The following RIOK3 variants were observed in gnomAD, a reference collection of about 807,000 sequenced individuals.
RIOK3 encodes RIO kinase 3.
In RIOK3, 40 loss-of-function variants were observed where a neutral mutation model predicts 63.5. The observed-to-expected ratio is 0.63, with a 90% confidence interval of 0.49 to 0.82. RIOK3 has a LOEUF of 0.82. Among genes scored for constraint, RIOK3 ranks in the 40% least tolerant of loss-of-function variants. The pLI is 0.00. For synonymous variants in RIOK3, 193 were observed against 205.0 expected (o/e 0.94, Z 0.50); for missense variants, 557 against 637.0 (o/e 0.87, Z 1.35).
chr18:23,466,689 TAA>T (rs33997769), intron 6 of RIOK3, among the ~76,000 whole-genome samples: 16,573 of 102,708 alleles, frequency 0.16, 1,802 homozygotes, highest in East Asian at 0.35. Context: ...GACCCTGCCT[TAA>T]AAAAAAAAAA....
chr18:23,473,680 G>A, intron 8 of RIOK3, 54 bp downstream of exon 8: 1 of 1,317,070 alleles, frequency 7.6e-7, no homozygotes, highest in Non-Finnish European at 1.1e-6. Flanking sequence ...TTTTGCATTA[G>A]GATAAAAAAA....
chr18:23,473,258 C>G (rs1215641873), intron 7 of RIOK3, among the ~76,000 whole-genome samples, 171 bp from the exon 8 acceptor site: 1 of 152,036 alleles, frequency 6.6e-6, no homozygotes, highest in Non-Finnish European at 1.5e-5. Context: ...TTTAAAAAAT[C>G]AAACCAAAAC....
In RIOK3 at chr18:23,477,835, C is replaced by T. The variant is rs375081228; in HGVS notation, c.1344+567C>T. On this transcript the variant is annotated intron_variant, in intron 11 of 12. Transcript: ENST00000339486. ...CTGTAATCCCAGCACTTTGGGAGGC[C>T]AAGGTGGGTGGATCACCTGAGGTCA... Among the ~76,000 whole-genome samples, 37 of 148,536 alleles carry T rather than the reference C, an allele frequency of 2.5e-4. No homozygotes were observed. In the South Asian group the frequency reaches 5.2e-3, roughly 21 times the overall value.
rs1159735275 is a variant in RIOK3, at chr18:23,464,252, C to A, written c.372C>A (p.Asp124Glu). Residue 124 changes from aspartate (D) to glutamate (E), a missense_variant, in exon 4 of 13, where the codon GAC becomes GAA. By Grantham distance (45) the Asp-to-Glu change is conservative. Transcript: ENST00000339486. ...ATCGAAAAGTGCATCCTTATGAAGA[C>A]AGCGATAGCTCTGAAGATGAGGTTG... ...ENYRKVHPYE[D>E]SDSSEDEVDW... is the part of the protein sequence containing the mutation. 1 of 1,614,120 alleles carries A rather than the reference C, an allele frequency of 6.2e-7. No homozygotes were observed.
Position 23,481,416 on chromosome 18 carries a change from C to T in RIOK3, c.*137C>T. 5.3e-6 allele frequency: 3 copies of T among 570,210 alleles called. No individual in the cohort carries two copies. In the South Asian group the frequency reaches 7.3e-5, roughly 14 times the overall value. 35.3% of individuals were successfully genotyped at this position (570,210 alleles called of 1,614,324 possible). ...TTCTGTGCTTTTCCCCCTTGTAACC[C>T]ATGTGCCAGATGTGTGGAATTTTTA... On this transcript the variant is annotated 3_prime_UTR_variant, in exon 13 of 13. Coordinates refer to ENST00000339486, the MANE Select transcript of RIOK3 (RefSeq NM_003831.5).
intron 2 of RIOK3, 89 bp from the exon 3 acceptor site, chr18:23,463,878 C>A: frequency 3.6e-6 from 4 of 1,102,316 alleles, no homozygotes; most frequent in Non-Finnish European, 3.9e-6. Flanking sequence ...TCAATTTTAA[C>A]ATGGAAAAGG....
chr18:23,478,720 T>C (rs1268423987), intron 11 of RIOK3, among the ~76,000 whole-genome samples: 1 of 129,164 alleles, frequency 7.7e-6, no homozygotes, highest in Non-Finnish European at 1.7e-5. Flanking sequence ...GGGAAATGAA[T>C]TGTTGGCAGT....
At chr18:23,478,606 CATATATATATATATATATAT>C (rs67305895) in intron 11 of RIOK3, among the ~76,000 whole-genome samples, 1,704 of 130,884 alleles carry the variant, frequency 0.013, 31 homozygotes, top group Middle Eastern at 0.027. Flanking sequence ...AAAAACAAAA[CATATATATATATATATATAT>C]ATATATATAT....
chr18:23,479,293 G>T (rs772345231), intron 11 of RIOK3, 24 bp from the exon 12 acceptor site: 3 of 1,435,872 alleles, frequency 2.1e-6, no homozygotes, highest in South Asian at 2.3e-5. Context: ...ACTTCTTACT[G>T]ACTTTCTTGT....
chr18:23,462,737 T>G (rs1205979339), intron 1 of RIOK3, among the ~76,000 whole-genome samples: 4 of 152,242 alleles, frequency 2.6e-5, no homozygotes, highest in Non-Finnish European at 5.9e-5. Flanking sequence ...ATATACCTAC[T>G]TAGCAGGCTA....
At chr18:23,480,555 GCACACACACA>G (rs59552026) in intron 12 of RIOK3, among the ~76,000 whole-genome samples, 7,831 of 142,078 alleles carry the variant, frequency 0.055, 226 homozygotes, top group Middle Eastern at 0.092. Flanking sequence ...TTGGATGCAC[GCACACACACA>G]CACACACACA....
chr18:23,469,317 C>G (rs1045399946), intron 7 of RIOK3, among the ~76,000 whole-genome samples: 27 of 28,632 alleles, frequency 9.4e-4, no homozygotes, highest in African/African-American at 4.5e-3. Flanking sequence ...CTCTCTCTCT[C>G]TCTCTCTCTC....
intron 7 of RIOK3, among the ~76,000 whole-genome samples, chr18:23,471,344 G>A (rs2057455174): frequency 6.6e-6 from 1 of 152,144 alleles, no homozygotes; most frequent in African/African-American, 2.4e-5. Context: ...CTTAGGACAG[G>A]TACAAAGTTA....
chr18:23,470,093 T>C (rs1182004472), intron 7 of RIOK3, among the ~76,000 whole-genome samples: 2 of 152,060 alleles, frequency 1.3e-5, no homozygotes, highest in Non-Finnish European at 2.9e-5. Flanking sequence ...AATCTGGATT[T>C]TAAAAATAGG....
Position 23,466,227 on chromosome 18 carries a change from A to G in RIOK3, c.638A>G (p.Glu213Gly). 6.2e-7 allele frequency: 1 copy of G among 1,612,768 alleles called. No individual in the cohort carries two copies. Among genetic ancestry groups the G allele is most frequent in the South Asian group, 1.1e-5 (1 of 90,632 alleles). Residue 213 changes from glutamate to glycine, a missense_variant, in exon 6 of 13, where the codon GAA becomes GGA. Transcript: ENST00000339486. ...GCTTTAAAACAACATGCCTACTCAG[A>G]AGAACGTCGAAGTGCCCGCCTACAT... ...FNALKQHAYS[E>G]ERRSARLHEK...
intron 7 of RIOK3, among the ~76,000 whole-genome samples, chr18:23,470,364 CAAAAAA>C (rs761666919): frequency 9.2e-6 from 1 of 108,806 alleles, no homozygotes; most frequent in East Asian, 2.6e-4. Context: ...GATTCCGTCT[CAAAAAA>C]AAAAAAAATC....
chr18:23,455,127 A>G (rs181051276), intron 1 of RIOK3, among the ~76,000 whole-genome samples: 1 of 151,518 alleles, frequency 6.6e-6, no homozygotes, highest in East Asian at 2.0e-4. Context: ...GCTGGAGTAC[A>G]GTGGTTTGCT....
At chr18:23,474,084 C>G (rs1302450550) in intron 8 of RIOK3, among the ~76,000 whole-genome samples, 1 of 152,014 alleles carries the variant, frequency 6.6e-6, no homozygotes, top group Non-Finnish European at 1.5e-5. Context: ...TTTTGTCAAC[C>G]AAGAAATTCA....
intron 6 of RIOK3, 125 bp downstream of exon 6, chr18:23,466,401 A>T: frequency 1.3e-6 from 1 of 788,068 alleles, no homozygotes; most frequent in Non-Finnish European, 1.9e-6. Context: ...TAAATCAAAG[A>T]TGTAAATAAA....
Sources: gnomAD v4.1 joint callset for allele counts (sites outside exome capture counted in the v4.1 genomes callset) on GRCh38, gnomAD v4.1.1 for gene constraint, MANE v1.5 for transcripts, NCBI Gene and HGNC (gene_info 2026-07-23, HGNC 2026-07-21) for gene names.